The following RAB11FIP3 variants were observed in gnomAD, a reference collection of about 807,000 sequenced individuals.
RAB11FIP3 encodes rab11 family-interacting protein 3.
Under a neutral mutation model 77.8 loss-of-function variants are expected in RAB11FIP3, and 17 were observed. The observed-to-expected ratio is 0.22, with a 90% CI of 0.15 to 0.33. The LOEUF (loss-of-function observed/expected upper bound fraction) is 0.33. RAB11FIP3 is among the 10% of genes least tolerant of loss of function. RAB11FIP3 has a pLI of 1.00. For missense variants in RAB11FIP3, 1,005 were observed against 1,011.2 expected (o/e 0.99, Z 0.08); for synonymous variants, 437 against 448.2 (o/e 0.98, Z 0.31).
In RAB11FIP3 at chr16:427,592, G is replaced by A. The variant is rs553040013; in HGVS notation, c.714+872G>A. ...CCGTGTGTGTTCTGCCAATAACCCG[G>A]TGGACATCAAATAATACCAGTGCTC... is the stretch of plus-strand genomic sequence containing the variant. On this transcript the variant is annotated intron_variant, in intron 1 of 13. Coordinates refer to ENST00000262305, the MANE Select transcript of RAB11FIP3 (RefSeq NM_014700.4). Among the ~76,000 whole-genome samples, 3 of 152,340 alleles carry A rather than the reference G, an allele frequency of 2.0e-5. No homozygotes were observed. The East Asian group carries it at 5.8e-4, about 29-fold the overall frequency.
chr16:455,201 C>A (rs2141626554), intron 1 of RAB11FIP3, among the ~76,000 whole-genome samples: 1 of 151,894 alleles, frequency 6.6e-6, no homozygotes, highest in Non-Finnish European at 1.5e-5. Flanking sequence ...ACTGCGCAGC[C>A]AGGCGCCATG....
chr16:482,765 G>C (rs2056072475), intron 4 of RAB11FIP3, 29 bp downstream of exon 4: 2 of 1,559,550 alleles, frequency 1.3e-6, no homozygotes, highest in South Asian at 1.2e-5. Context: ...GCCTCCTGGA[G>C]AGGCCTTGGG....
At chr16:478,239 C>A (rs1443059249) in intron 3 of RAB11FIP3, among the ~76,000 whole-genome samples, 6 of 150,502 alleles carry the variant, frequency 4.0e-5, no homozygotes, top group Non-Finnish European at 8.8e-5. Context: ...TGTTGCCAGG[C>A]TGGAGTGCAG....
chr16:461,336 C>G lies in RAB11FIP3; in HGVS notation c.715-68C>G. 7.9e-7 allele frequency: 1 copy of G among 1,267,270 alleles called. No individual in the cohort carries two copies. Among genetic ancestry groups the G allele is most frequent in the Non-Finnish European group, 1.1e-6 (1 of 888,672 alleles). The allele number at this position is 1,267,270 out of a possible 1,614,324, so 78.5% of individuals were successfully genotyped here. On this transcript the variant is annotated intron_variant, in intron 1 of 13. Transcript: ENST00000262305. This position sits in a 1 kb window ranked among gnomAD's most constrained non-coding sequence, Gnocchi z 4.5. ...GCCACACACCAGATCTCTCCCAGTC[C>G]GAGGTCCAGGGTTGGGGACCCCTGC... is the stretch of plus-strand genomic sequence containing the variant.
chr16:492,490 C>CA (rs769980188), intron 5 of RAB11FIP3, among the ~76,000 whole-genome samples: 1 of 93,274 alleles, frequency 1.1e-5, no homozygotes. Flanking sequence ...AGGGCCCTCC[C>CA]GGGAGACCCG....
At chr16:508,214 T>C (rs1324271045) in intron 8 of RAB11FIP3, among the ~76,000 whole-genome samples, 1 of 152,214 alleles carries the variant, frequency 6.6e-6, no homozygotes, top group Non-Finnish European at 1.5e-5. Context: ...CCTGAGAATG[T>C]GAAGACCTCT....
At chr16:509,065 G>A (rs2032011720) in intron 8 of RAB11FIP3, among the ~76,000 whole-genome samples, 4 of 151,918 alleles carry the variant, frequency 2.6e-5, no homozygotes, top group African/African-American at 4.8e-5. Flanking sequence ...CACCACATCC[G>A]GCTAATTTTT....
chr16:465,079 G>A (rs1034511329), intron 2 of RAB11FIP3, among the ~76,000 whole-genome samples: 3 of 152,154 alleles, frequency 2.0e-5, no homozygotes, highest in Non-Finnish European at 4.4e-5. Context: ...ATGGAGGTGC[G>A]AGCTGGAGAC....
Position 505,541 on chromosome 16 carries a change from G to T in RAB11FIP3, c.1413G>T (p.Arg471Ser). 6.2e-7 allele frequency: 1 copy of T among 1,609,028 alleles called. No individual in the cohort carries two copies. Among genetic ancestry groups the T allele is most frequent in the Non-Finnish European group, 8.5e-7 (1 of 1,179,576 alleles). ...TTGCCAAGGTTGTCTTCCTGGAAAG[G>T]CGTGTGCTGGAGCTGGAAAAGGACA... ...DIADKVVFLERRVLELEKDTA... is the reference protein window; with the variant it reads ...DIADKVVFLESRVLELEKDTA... The change falls in exon 8 of 14, where the codon AGG (arginine) becomes AGT (serine). Residue 471 changes from arginine (R) to serine (S), a missense_variant. Arg to Ser is a moderately radical substitution (Grantham distance 110). This residue lies in a region of RAB11FIP3 where 433 missense variants were observed against 436.1 expected (regional missense o/e 0.99). Transcript: ENST00000262305. The surrounding 1 kb of genome is among the most constrained non-coding windows in gnomAD (Gnocchi z 4.0).
In RAB11FIP3 at chr16:506,949, G is replaced by T. The variant is rs191081183; in HGVS notation, c.1499+1322G>T. On this transcript the variant is annotated intron_variant, in intron 8 of 13. Transcript: ENST00000262305. The surrounding 1 kb of genome is among the most constrained non-coding windows in gnomAD (Gnocchi z 4.5). ...CCTCCTTGTCAAGGAGAATCCGGGGGGCTGCCAGATGCACTTGTTTTGTTT... is the reference window on the plus strand; with the variant it reads ...CCTCCTTGTCAAGGAGAATCCGGGGTGCTGCCAGATGCACTTGTTTTGTTT... 7.9e-5 allele frequency among the ~76,000 whole-genome samples: 12 copies of T among 152,216 alleles called. No individual in the cohort carries two copies. The highest frequency in any genetic ancestry group is 9.6e-5 in the African/African-American group (4 of 41,528).
intron 9 of RAB11FIP3, among the ~76,000 whole-genome samples, chr16:511,386 A>C (rs368895740): frequency 3.9e-5 from 4 of 101,686 alleles, no homozygotes; most frequent in Admixed American, 1.1e-4. Flanking sequence ...GCCAGGTAGG[A>C]GAGGTTCCCG....
intron 9 of RAB11FIP3, among the ~76,000 whole-genome samples, chr16:513,094 T>C (rs531983205): frequency 6.6e-6 from 1 of 152,340 alleles, no homozygotes; most frequent in Non-Finnish European, 1.5e-5. Context: ...GGTTATTGAT[T>C]TTCTGTAAAA....
rs1035406160 is a variant in RAB11FIP3 at position 496,689 on chromosome 16, C to G, written c.1266-135C>G. ...AGTGAGCATTTGTGCATGGACTTGC[C>G]TGGGGGGCCCTGCATGCCGGGAGCA... On this transcript the variant is annotated intron_variant, in intron 5 of 13. Transcript: ENST00000262305. The G allele has an allele frequency of 4.9e-6, 4 of 823,838 alleles. No individual in the cohort carries two copies. In the African/African-American group the frequency reaches 6.9e-5, roughly 14 times the overall value. The allele number at this position is 823,838 out of a possible 1,614,324, so 51.0% of individuals were successfully genotyped here.
intron 4 of RAB11FIP3, among the ~76,000 whole-genome samples, chr16:486,010 T>C (rs1240294608): frequency 6.6e-6 from 1 of 152,240 alleles, no homozygotes; most frequent in Non-Finnish European, 1.5e-5. Context: ...CAAGTGATTC[T>C]CTTGCCTTAG....
chr16:448,898 A>G (rs543623646), intron 1 of RAB11FIP3, among the ~76,000 whole-genome samples: 13 of 151,386 alleles, frequency 8.6e-5, no homozygotes, highest in African/African-American at 3.1e-4. Flanking sequence ...CTGGGCAACA[A>G]GAGTGAAACT....
intron 1 of RAB11FIP3, among the ~76,000 whole-genome samples, chr16:445,428 G>C (rs1276021339): frequency 6.6e-6 from 1 of 151,482 alleles, no homozygotes; most frequent in Non-Finnish European, 1.5e-5. Flanking sequence ...GACAGAGCAA[G>C]ACTCTTGTCT....
rs1226196533 is a variant in RAB11FIP3, at chr16:426,075, G to C, written c.69G>C (p.Gly23=). Residue 23 remains glycine (G), a synonymous_variant, in exon 1 of 14, where the codon GGG becomes GGC. Coordinates refer to ENST00000262305, the MANE Select transcript of RAB11FIP3 (RefSeq NM_014700.4). The surrounding 1 kb of genome is among the most constrained non-coding windows in gnomAD (Gnocchi z 5.0). ...CGGGGCCCGACCCGGAGCCGGGCGG[G>C]CCGGACGGGCCGGGGGCGGCACAAC... ...EPPGPDPEPG[G]PDGPGAAQLA... The C allele has an allele frequency of 8.0e-6, 8 of 1,001,470 alleles. No homozygotes were observed. The African/African-American group carries it at 1.4e-4, about 18-fold the overall frequency. 62.0% of individuals were successfully genotyped at this position (1,001,470 alleles called of 1,614,324 possible). A position where few individuals can be genotyped will look rare whatever the true frequency, so the allele number is the denominator to read the frequency against.
chr16:473,109 C>T (rs193008542), intron 3 of RAB11FIP3, among the ~76,000 whole-genome samples: 6 of 152,310 alleles, frequency 3.9e-5, no homozygotes, highest in African/African-American at 1.4e-4. Context: ...GCCCCGTGGT[C>T]TGTGCTAGTT....
In RAB11FIP3 at chr16:472,276, A is replaced by G. The variant is rs969623485; in HGVS notation, c.903+887A>G. Among the ~76,000 whole-genome samples the G allele has an allele frequency of 6.6e-6, 1 of 152,216 alleles. No homozygotes were observed. Among genetic ancestry groups the G allele is most frequent in the Admixed American group, 6.5e-5 (1 of 15,292 alleles). ...TAGTCACCCTCACCCTTGGGTGGGC[A>G]GCTTAACTTCTGCCCACACAGACCC... On this transcript the variant is annotated intron_variant, in intron 3 of 13. Coordinates refer to ENST00000262305, the MANE Select transcript of RAB11FIP3 (RefSeq NM_014700.4). The surrounding 1 kb of genome is among the most constrained non-coding windows in gnomAD (Gnocchi z 4.1).
Sources: allele counts gnomAD v4.1 joint callset (sites outside exome capture counted in the v4.1 genomes callset), GRCh38; gene constraint gnomAD v4.1.1; regional missense constraint gnomAD v4.1.1; non-coding constraint Gnocchi (gnomAD v3.1); transcripts MANE v1.5; gene names NCBI Gene and HGNC (gene_info 2026-07-23, HGNC 2026-07-21).